Variants in GALNT8 observed in about 807,000 individuals in gnomAD.
The protein encoded by GALNT8 is probable polypeptide N-acetylgalactosaminyltransferase 8.
In GALNT8, 66 loss-of-function variants were observed where a neutral mutation model predicts 62.7. The observed-to-expected ratio is 1.05, with a 90% CI of 0.86 to 1.29. GALNT8 has a LOEUF of 1.29. GALNT8 is among the 50% of genes most tolerant of loss of function. GALNT8 has a pLI of 0.00. For synonymous variants in GALNT8, 288 were observed against 294.3 expected (o/e 0.98, Z 0.22); for missense variants, 771 against 791.8 (o/e 0.97, Z 0.32).
At chr12:4,723,772 A>G (rs1169708073) in intron 1 of GALNT8, among the ~76,000 whole-genome samples, 1 of 108,214 alleles carries the variant, frequency 9.2e-6, no homozygotes, top group Non-Finnish European at 1.9e-5. Flanking sequence ...TTTTTTTTCC[A>G]CAGAGCTTCC....
intron 3 of GALNT8, among the ~76,000 whole-genome samples, chr12:4,741,318 C>T (rs552728627): frequency 2.6e-5 from 4 of 152,170 alleles, no homozygotes; most frequent in Middle Eastern, 3.4e-3. Flanking sequence ...AGCAAAATTC[C>T]GCTGAAAACC....
intron 2 of GALNT8, among the ~76,000 whole-genome samples, chr12:4,730,522 A>G (rs1946216691): frequency 6.6e-6 from 1 of 152,182 alleles, no homozygotes; most frequent in Non-Finnish European, 1.5e-5. Context: ...AGTTGCTTAT[A>G]AATGTGTGGA....
intron 2 of GALNT8, among the ~76,000 whole-genome samples, chr12:4,737,500 G>C (rs1946250858): frequency 6.6e-6 from 1 of 152,098 alleles, no homozygotes; most frequent in South Asian, 2.1e-4. Flanking sequence ...GAGGTGAAAA[G>C]GAATCATTTT....
chr12:4,764,659 T>G (rs538692352), intron 9 of GALNT8, among the ~76,000 whole-genome samples: 1 of 148,374 alleles, frequency 6.7e-6, no homozygotes, highest in South Asian at 2.2e-4. Flanking sequence ...TTCTCCTGCC[T>G]CAGCCTCCCT....
Position 4,746,385 on chromosome 12 carries a change from T to G in GALNT8, c.1173+127T>G, listed in dbSNP as rs1591569603. On this transcript the variant is annotated intron_variant, in intron 6 of 10. Coordinates refer to ENST00000252318, the MANE Select transcript of GALNT8 (RefSeq NM_017417.2). ...CTCAAAGGTGGATACATTCTTATGT[T>G]TCTAGGCAACTGGGCCAAGGACGGG... 9.1e-6 allele frequency: 6 copies of G among 659,196 alleles called. No individual in the cohort carries two copies. In the East Asian group the frequency reaches 1.6e-4, roughly 18 times the overall value. 40.8% of individuals were successfully genotyped at this position (659,196 alleles called of 1,614,324 possible).
At chr12:4,746,408 G>C in intron 6 of GALNT8, 150 bp downstream of exon 6, 2 of 623,830 alleles carry the variant, frequency 3.2e-6, no homozygotes, top group Non-Finnish European at 5.8e-6. Flanking sequence ...GGCCAAGGAC[G>C]GGGGGCAATA....
intron 3 of GALNT8, among the ~76,000 whole-genome samples, chr12:4,739,990 T>C (rs548216453): frequency 2.7e-4 from 41 of 152,166 alleles, no homozygotes; most frequent in African/African-American, 9.4e-4. Flanking sequence ...TTATGCACCA[T>C]GAAGAAGCCT....
rs140915911 is a variant in GALNT8, at chr12:4,761,132, A to G, written c.1348A>G (p.Ile450Val). The G allele has an allele frequency of 6.2e-7, 1 of 1,613,468 alleles. No individual in the cohort carries two copies. The highest frequency in any genetic ancestry group is 8.5e-7 in the Non-Finnish European group (1 of 1,179,550). ...ACACATGGTCTACTTGGCCTGGAAC[A>G]TACCTCTCCAGGTGAGTCATGGAAT... ...HKHMVYLAWN[I>V]PLQNSGIDFG... Residue 450 changes from isoleucine (I) to valine (V), a missense_variant, in exon 7 of 11, where the codon ATA becomes GTA. Ile to Val is a conservative substitution (Grantham distance 29). Transcript: ENST00000252318.
chr12:4,731,661 A>G (rs887729436), intron 2 of GALNT8, among the ~76,000 whole-genome samples: 1 of 152,166 alleles, frequency 6.6e-6, no homozygotes. Context: ...CAATTCTTCT[A>G]TACCTAATTA....
intron 2 of GALNT8, among the ~76,000 whole-genome samples, chr12:4,737,022 A>G (rs1281195993): frequency 6.6e-6 from 1 of 152,222 alleles, no homozygotes; most frequent in Non-Finnish European, 1.5e-5. Context: ...AAAGACTTAT[A>G]CATTATAAAG....
chr12:4,747,369 C>T (rs1438585859), intron 6 of GALNT8, among the ~76,000 whole-genome samples: 1 of 152,148 alleles, frequency 6.6e-6, no homozygotes, highest in East Asian at 1.9e-4. Flanking sequence ...CCCCTCTCCC[C>T]CAACTACCCT....
chr12:4,772,655 C>T lies in GALNT8; in HGVS notation c.*58C>T. 2 of 1,276,022 alleles carry T rather than the reference C, an allele frequency of 1.6e-6. No individual in the cohort carries two copies. Among genetic ancestry groups the T allele is most frequent in the Non-Finnish European group, 2.3e-6 (2 of 882,576 alleles). The allele number at this position is 1,276,022 out of a possible 1,614,324, so 79.0% of individuals were successfully genotyped here. A position where few individuals can be genotyped will look rare whatever the true frequency, so the allele number is the denominator to read the frequency against. On this transcript the variant is annotated 3_prime_UTR_variant, in exon 11 of 11. Transcript: ENST00000252318. ...TCTTGCAAGTGGAATGGCTTCTACT[C>T]CTAACACTCCCAGCTTCTTTCTCAA...
In GALNT8 at chr12:4,760,871, G is replaced by A. The variant is rs141832600; in HGVS notation, c.1174-87G>A. 434 of 1,085,760 alleles carry A rather than the reference G, an allele frequency of 4.0e-4. 3 individuals are homozygous for A. In the African/African-American group the frequency reaches 5.9e-3, roughly 15 times the overall value. 67.3% of individuals were successfully genotyped at this position (1,085,760 alleles called of 1,614,324 possible). A position where few individuals can be genotyped will look rare whatever the true frequency, so the allele number is the denominator to read the frequency against. ...GACTGAGCTTACATTCTTTAAAAAC[G>A]GCTCTAAAATGTAGTCTTCTTGTGT... On this transcript the variant is annotated intron_variant, in intron 6 of 10. Transcript: ENST00000252318.
In GALNT8 at chr12:4,763,396, T is replaced by C. The variant is rs760027164; in HGVS notation, c.1497+6T>C. The C allele has an allele frequency of 1.9e-6, 3 of 1,604,984 alleles. No homozygotes were observed. Among genetic ancestry groups the C allele is most frequent in the South Asian group, 2.2e-5 (2 of 89,800 alleles). ...CCATCGTGGGCTATGGAAGAGTATG[T>C]ATTATGAAATTGCACTTTGGATTTT... On this transcript the variant is annotated splice_donor_region_variant and intron_variant, in intron 8 of 10. Transcript: ENST00000252318.
chr12:4,755,907 T>A (rs1946342645), intron 6 of GALNT8, among the ~76,000 whole-genome samples: 1 of 152,204 alleles, frequency 6.6e-6, no homozygotes, highest in Non-Finnish European at 1.5e-5. Context: ...GTGTTCCACA[T>A]GTGTTCACTC....
chr12:4,739,927 A>C (rs949484199), intron 3 of GALNT8, among the ~76,000 whole-genome samples: 2 of 152,058 alleles, frequency 1.3e-5, no homozygotes, highest in African/African-American at 4.8e-5. Flanking sequence ...TCGGCCTCTG[A>C]AAGTGCTGAG....
chr12:4,742,356 G>A (rs1487297717), intron 3 of GALNT8, among the ~76,000 whole-genome samples: 8 of 152,204 alleles, frequency 5.3e-5, no homozygotes, highest in Admixed American at 4.6e-4. Flanking sequence ...TGAGATGTAA[G>A]CTTTTTAAAA....
chr12:4,760,143 G>A (rs1946364861), intron 6 of GALNT8, among the ~76,000 whole-genome samples: 1 of 152,216 alleles, frequency 6.6e-6, no homozygotes, highest in South Asian at 2.1e-4. Context: ...CTGTAAGGCT[G>A]CCATCAAGGT....
At chr12:4,769,547 T>G (rs778263060) in intron 10 of GALNT8, among the ~76,000 whole-genome samples, 1 of 152,174 alleles carries the variant, frequency 6.6e-6, no homozygotes, top group East Asian at 1.9e-4. Context: ...CTGAATATTA[T>G]ATAGCCATTC....
Sources: allele counts gnomAD v4.1 joint callset (sites outside exome capture counted in the v4.1 genomes callset), GRCh38; gene constraint gnomAD v4.1.1; transcripts MANE v1.5; gene names NCBI Gene and HGNC (gene_info 2026-07-23, HGNC 2026-07-21).